GOLGA4: variants seen among roughly 807,000 people sequenced by gnomAD.
The protein encoded by GOLGA4 is golgin A4, also known as golgin subfamily A member 4.
GOLGA4 carries 169 observed loss-of-function variants against 265.9 expected under a neutral mutation model. That is an observed-to-expected ratio of 0.64 (90% CI 0.56 to 0.72). GOLGA4 has a LOEUF of 0.72. Among genes scored for constraint, GOLGA4 ranks in the 30% least tolerant of loss-of-function variants. The pLI is 0.00. For synonymous variants in GOLGA4, 923 were observed against 855.8 expected (o/e 1.08, Z -1.37); for missense variants, 2,482 against 2,483.4 (o/e 1.00, Z 0.01).
At chr3:37,274,843 G>T (rs1008187867) in intron 2 of GOLGA4, among the ~76,000 whole-genome samples, 1 of 152,086 alleles carries the variant, frequency 6.6e-6, no homozygotes. Flanking sequence ...CAGGGCATGA[G>T]TCTAGACAAG....
At chr3:37,334,024 C>A (rs1355968510) in intron 16 of GOLGA4, among the ~76,000 whole-genome samples, 1 of 152,182 alleles carries the variant, frequency 6.6e-6, no homozygotes, top group African/African-American at 2.4e-5. Context: ...TCTTGCTCAG[C>A]AAACACTTGC....
chr3:37,318,958 C>T (rs1020129671), intron 11 of GOLGA4, 105 bp from the exon 12 acceptor site: 19 of 745,700 alleles, frequency 2.5e-5, no homozygotes, highest in Non-Finnish European at 3.8e-5. Flanking sequence ...ATTTTTTCTT[C>T]TTAAAAACTT....
chr3:37,254,191 T>G (rs2150610848), intron 2 of GOLGA4, among the ~76,000 whole-genome samples: 1 of 152,300 alleles, frequency 6.6e-6, no homozygotes, highest in South Asian at 2.1e-4. Flanking sequence ...TTCATTCAAA[T>G]AGGTTATATG....
At chr3:37,329,923 C>T (rs180745902) in intron 16 of GOLGA4, among the ~76,000 whole-genome samples, 1 of 152,016 alleles carries the variant, frequency 6.6e-6, no homozygotes, top group East Asian at 1.9e-4. Context: ...CATACCTCAG[C>T]TGACTATGTC....
At chr3:37,281,589 G>A (rs1381504216) in intron 2 of GOLGA4, among the ~76,000 whole-genome samples, 1 of 152,134 alleles carries the variant, frequency 6.6e-6, no homozygotes, top group Non-Finnish European at 1.5e-5. Context: ...GTATGGAGAT[G>A]GTCACTACCT....
chr3:37,258,743 G>C (rs2096761421), intron 2 of GOLGA4, among the ~76,000 whole-genome samples: 1 of 152,154 alleles, frequency 6.6e-6, no homozygotes, highest in Non-Finnish European at 1.5e-5. Flanking sequence ...AGTAATACAT[G>C]AGAAACATTC....
Position 37,282,050 on chromosome 3 carries a change from C to G in GOLGA4, c.255C>G (p.Phe85Leu). The change falls in exon 3 of 24, where the codon TTC becomes TTG. Residue 85 changes from phenylalanine to leucine, a missense_variant. Physicochemically the swap from Phe to Leu is conservative, Grantham distance 22 (BLOSUM62 0). Coordinates refer to ENST00000361924, the MANE Select transcript of GOLGA4 (RefSeq NM_002078.5). ...LFRSPIKESL[F>L]RSSSKESLVR... ...GAAGTCCGATAAAGGAATCTCTATT[C>G]CGGTCTTCTTCTAAAGAGTCTTTGG... is the stretch of plus-strand genomic sequence containing the variant. The G allele has an allele frequency of 6.2e-7, 1 of 1,613,906 alleles. No homozygotes were observed. The highest frequency in any genetic ancestry group is 1.1e-5 in the South Asian group (1 of 91,064).
Position 37,323,574 on chromosome 3 carries a change from T to C in GOLGA4, c.1702-14T>C. 2 of 1,500,968 alleles carry C rather than the reference T, an allele frequency of 1.3e-6. No homozygotes were observed. The highest frequency in any genetic ancestry group is 1.8e-6 in the Non-Finnish European group (2 of 1,114,378). The allele number at this position is 1,500,968 out of a possible 1,614,324, so 93.0% of individuals were successfully genotyped here. ...ACGTACTTTAATAAAAATGCATCTG[T>C]TTTTAATTAACAGAGAATTCTTGAA... On this transcript the variant is annotated splice_polypyrimidine_tract_variant and intron_variant, in intron 13 of 23. Transcript: ENST00000361924.
intron 19 of GOLGA4, among the ~76,000 whole-genome samples, chr3:37,339,625 T>G (rs1468550910): frequency 6.6e-6 from 1 of 152,370 alleles, no homozygotes; most frequent in Non-Finnish European, 1.5e-5. Context: ...TTTGCATTTC[T>G]CCAGTGACTA....
intron 2 of GOLGA4, among the ~76,000 whole-genome samples, chr3:37,268,681 C>T (rs1478914051): frequency 6.6e-6 from 1 of 152,040 alleles, no homozygotes; most frequent in African/African-American, 2.4e-5. Flanking sequence ...AGGTGATCCG[C>T]CCACTTCAGC....
At chr3:37,264,700 A>G (rs2096778901) in intron 2 of GOLGA4, among the ~76,000 whole-genome samples, 2 of 152,118 alleles carry the variant, frequency 1.3e-5, no homozygotes, top group South Asian at 4.1e-4. Context: ...ATTAACTGCT[A>G]AATTCATGTT....
chr3:37,257,933 A>G (rs1388116693), intron 2 of GOLGA4, among the ~76,000 whole-genome samples: 1 of 111,950 alleles, frequency 8.9e-6, no homozygotes, highest in African/African-American at 4.2e-5. Context: ...ATATGTATAT[A>G]TACATACATA....
intron 2 of GOLGA4, among the ~76,000 whole-genome samples, chr3:37,255,154 C>CATT (rs201094032): frequency 0.052 from 7,909 of 150,996 alleles, 331 homozygotes; most frequent in African/African-American, 0.1. Context: ...TTGTTGTCAT[C>CATT]ATTATTATTA....
chr3:37,295,167 T>G lies in GOLGA4; in HGVS notation c.681+90T>G, dbSNP rs1040723796. ...GGATATCTGCAAGGTTGCAAAAGTT[T>G]TTTCTTTTTTAAGACCTATTTTTAA... On this transcript the variant is annotated intron_variant, in intron 6 of 23. Coordinates refer to ENST00000361924, the MANE Select transcript of GOLGA4 (RefSeq NM_002078.5). The G allele has an allele frequency of 1.3e-5, 9 of 690,890 alleles. No individual in the cohort carries two copies. In the African/African-American group the frequency reaches 1.7e-4, roughly 13 times the overall value. The allele number at this position is 690,890 out of a possible 1,614,324, so 42.8% of individuals were successfully genotyped here.
chr3:37,271,163 C>G (rs1051139879), intron 2 of GOLGA4, among the ~76,000 whole-genome samples: 1 of 152,146 alleles, frequency 6.6e-6, no homozygotes, highest in African/African-American at 2.4e-5. Context: ...CGCTTGCTCA[C>G]CCACCGCTCT....
At chr3:37,350,853 A>T (rs2097071655) in intron 21 of GOLGA4, among the ~76,000 whole-genome samples, 1 of 152,168 alleles carries the variant, frequency 6.6e-6, no homozygotes, top group Non-Finnish European at 1.5e-5. Flanking sequence ...GCTAAAAAAA[A>T]ATGCTAACAT....
At chr3:37,276,607 A>G in intron 2 of GOLGA4, 1 of 1,564,590 alleles carries the variant, frequency 6.4e-7, no homozygotes. Context: ...GAGTTGGAAG[A>G]ATTGGCAAAA....
rs187817060 is a variant in GOLGA4 at position 37,347,099 on chromosome 3, G to C, written c.6473-94G>C. ...ACAATATAAAAGCATGCCTCTCTTTGTTCCATTGGTTGTTTTTTAAATCTA... is the reference window on the plus strand; with the variant it reads ...ACAATATAAAAGCATGCCTCTCTTTCTTCCATTGGTTGTTTTTTAAATCTA... On this transcript the variant is annotated intron_variant, in intron 20 of 23. Coordinates refer to ENST00000361924, the MANE Select transcript of GOLGA4 (RefSeq NM_002078.5). 207 of 705,124 alleles carry C rather than the reference G, an allele frequency of 2.9e-4. No individual in the cohort carries two copies. The African/African-American group carries it at 3.5e-3, about 12-fold the overall frequency. The allele number at this position is 705,124 out of a possible 1,614,324, so 43.7% of individuals were successfully genotyped here.
rs1395060737 is a variant in GOLGA4, at chr3:37,327,126, A to T, written c.5240A>T (p.Glu1747Val). Residue 1747 changes from glutamate to valine, a missense_variant, in exon 14 of 24, where the codon GAA becomes GTA. This residue lies in a region of GOLGA4 where 942 missense variants were observed against 983.1 expected (regional missense o/e 0.96). Transcript: ENST00000361924. Reference sequence around the variant, plus strand: ...AGTGTTTTACAAAGAAACTTAACTGAAAAAGAAAAGCTATTGCAGAGGGTA... The same window carrying T: ...AGTGTTTTACAAAGAAACTTAACTGTAAAAGAAAAGCTATTGCAGAGGGTA... Reference protein sequence around the residue: ...KISVLQRNLTEKEKLLQRVGQ... With the variant: ...KISVLQRNLTVKEKLLQRVGQ... 4.3e-6 allele frequency: 7 copies of T among 1,613,440 alleles called. No homozygotes were observed. The highest frequency in any genetic ancestry group is 2.7e-5 in the African/African-American group (2 of 74,818).
Sources: allele counts gnomAD v4.1 joint callset (sites outside exome capture counted in the v4.1 genomes callset), GRCh38; gene constraint gnomAD v4.1.1; regional missense constraint gnomAD v4.1.1; transcripts MANE v1.5; gene names NCBI Gene and HGNC (gene_info 2026-07-23, HGNC 2026-07-21).